PIK3R3: variants seen among roughly 807,000 people sequenced by gnomAD.
PIK3R3 encodes the protein phosphoinositide-3-kinase regulatory subunit 3.
Under a neutral mutation model 62.9 loss-of-function variants are expected in PIK3R3, and 64 were observed. The ratio of observed to expected loss-of-function variants is 1.02; its 90% CI spans 0.83 to 1.25. PIK3R3 has a LOEUF of 1.25. PIK3R3 is among the 50% of genes most tolerant of loss of function. The pLI is 0.00. For synonymous variants in PIK3R3, 165 were observed against 189.0 expected, an observed-to-expected ratio of 0.87 and a Z score of 1.04; for missense variants, 614 against 561.6, an observed-to-expected ratio of 1.09 and a Z score of -0.94.
chr1:46,135,287 T>TG (rs1655888438), upstream of PIK3R3, among the ~76,000 whole-genome samples: 1 of 152,218 alleles, frequency 6.6e-6, no homozygotes, highest in Admixed American at 6.5e-5. Flanking sequence ...CTCAAGCTCC[T>TG]GGGTCACAAC....
intron 3 of PIK3R3, among the ~76,000 whole-genome samples, chr1:46,074,018 G>A (rs1372975187): frequency 1.3e-5 from 2 of 149,892 alleles, no homozygotes; most frequent in Admixed American, 6.6e-5. Context: ...AGCTGGGCGC[G>A]GTGGCTCATG....
chr1:46,132,220 G>A lies in PIK3R3; in HGVS notation c.-268C>T. On this transcript the variant is annotated 5_prime_UTR_variant, in exon 1 of 10. Transcript: ENST00000262741. ...AGAGGCTTGGGGGACGGAGAGCAGAGGTGTTAAAAAGCGGCTTCCCAAAAA... is the reference window on the plus strand; with the variant it reads ...AGAGGCTTGGGGGACGGAGAGCAGAAGTGTTAAAAAGCGGCTTCCCAAAAA... 8.3e-7 allele frequency: 1 copy of A among 1,205,524 alleles called. No homozygotes were observed. The allele number at this position is 1,205,524 out of a possible 1,614,324, so 74.7% of individuals were successfully genotyped here.
the PIK3R3 span, among the ~76,000 whole-genome samples, chr1:46,153,750 A>G: frequency 6.6e-6 from 1 of 152,216 alleles, no homozygotes; most frequent in Non-Finnish European, 1.5e-5. Flanking sequence ...ATCACCATTC[A>G]CAATTATTTG....
the PIK3R3 span, among the ~76,000 whole-genome samples, chr1:46,153,707 TC>T: frequency 1.3e-5 from 2 of 152,164 alleles, no homozygotes; most frequent in Admixed American, 6.5e-5. Flanking sequence ...ATGTCTGTAC[TC>T]CCCCCAACTC....
intron 1 of PIK3R3, among the ~76,000 whole-genome samples, chr1:46,095,136 A>G (rs890711629): frequency 5.9e-5 from 9 of 152,218 alleles, no homozygotes; most frequent in Non-Finnish European, 7.3e-5. Flanking sequence ...CTGGGTATAT[A>G]CCAAAAAGAA....
the PIK3R3 span, among the ~76,000 whole-genome samples, chr1:46,143,476 C>T: frequency 6.6e-6 from 1 of 151,842 alleles, no homozygotes. Context: ...CAGGGTCTCA[C>T]TGTGTCGCCC....
chr1:46,143,690 C>T, the PIK3R3 span, among the ~76,000 whole-genome samples: 1 of 151,984 alleles, frequency 6.6e-6, no homozygotes. Context: ...ACCATGTTGC[C>T]CAGGCCAGTA....
the PIK3R3 span, among the ~76,000 whole-genome samples, chr1:46,173,891 T>C: frequency 3.3e-5 from 5 of 151,666 alleles, no homozygotes; most frequent in South Asian, 8.3e-4. Context: ...TACACACTCA[T>C]ATAGGGGAGG....
At chr1:46,138,381 C>A in the PIK3R3 span, among the ~76,000 whole-genome samples, 1 of 152,166 alleles carries the variant, frequency 6.6e-6, no homozygotes, top group South Asian at 2.1e-4. Flanking sequence ...ATAAAAAGAC[C>A]AGGCATGGTG....
At chr1:46,102,688 T>C (rs1329017655) in intron 1 of PIK3R3, among the ~76,000 whole-genome samples, 1 of 151,490 alleles carries the variant, frequency 6.6e-6, no homozygotes, top group Non-Finnish European at 1.5e-5. Flanking sequence ...TTGAGCACTG[T>C]TGGTGAGATT....
intron 7 of PIK3R3, among the ~76,000 whole-genome samples, chr1:46,054,654 G>A (rs959233448): frequency 1.3e-5 from 2 of 152,100 alleles, no homozygotes; most frequent in Non-Finnish European, 2.9e-5. Context: ...CCAGAACTAA[G>A]CCCAATATCC....
intron 7 of PIK3R3, chr1:46,047,122 G>A (rs927056214): frequency 8.5e-5 from 13 of 153,830 alleles, no homozygotes; most frequent in African/African-American, 2.4e-4. Flanking sequence ...ATTAATATGA[G>A]TGAACTTCAT....
At chr1:46,048,522 A>T (rs2149375939) in intron 7 of PIK3R3, among the ~76,000 whole-genome samples, 1 of 152,240 alleles carries the variant, frequency 6.6e-6, no homozygotes, top group South Asian at 2.1e-4. Context: ...CATTCTTATC[A>T]CCCAAAGTTT....
At position 46,045,644 on chromosome 1, in the gene PIK3R3, T is replaced by TTTTTTTTTTTTTTC. The variant is rs370501368; in HGVS notation, c.1187+273_1187+274insGAAAAAAAAAAAAA. Among the ~76,000 whole-genome samples, 510 of 82,672 alleles carry TTTTTTTTTTTTTTC rather than the reference T, an allele frequency of 6.2e-3. 139 individuals carry two copies. Among genetic ancestry groups the TTTTTTTTTTTTTTC allele is most frequent in the African/African-American group, 0.018 (385 of 21,278 alleles). The allele number at this position is 82,672 out of a possible 152,430, so 54.2% of individuals were successfully genotyped here. ...TTTTTTTTTTTTTTTTTTTTTTTTT[T>TTTTTTTTTTTTTTC]CAATTTAAGATCTCACATTACCTTT... On this transcript the variant is annotated intron_variant, in intron 9 of 9. Transcript: ENST00000262741.
chr1:46,165,336 A>C, the PIK3R3 span, among the ~76,000 whole-genome samples: 10 of 117,130 alleles, frequency 8.5e-5, no homozygotes, highest in South Asian at 5.2e-4. Context: ...ATGGAGTTTC[A>C]CTCTTGTTGC....
the PIK3R3 span, among the ~76,000 whole-genome samples, chr1:46,151,416 CCTGG>C: frequency 6.6e-6 from 1 of 152,144 alleles, no homozygotes; most frequent in Non-Finnish European, 1.5e-5. Flanking sequence ...GGGATCTTTG[CCTGG>C]CAGAGGCCTC....
chr1:46,072,477 T>C (rs1016059710), intron 3 of PIK3R3, among the ~76,000 whole-genome samples: 5 of 152,240 alleles, frequency 3.3e-5, no homozygotes, highest in Admixed American at 3.3e-4. Context: ...GACCTTGTGA[T>C]AGATACATGA....
intron 1 of PIK3R3, among the ~76,000 whole-genome samples, chr1:46,092,648 C>G (rs1003112275): frequency 3.3e-5 from 5 of 152,194 alleles, no homozygotes; most frequent in Admixed American, 2.0e-4. Flanking sequence ...CAGGAGTGAG[C>G]CACCGCGCTT....
chr1:46,162,121 A>G, the PIK3R3 span, among the ~76,000 whole-genome samples: 1 of 150,698 alleles, frequency 6.6e-6, no homozygotes, highest in African/African-American at 2.4e-5. Context: ...TTTTCTTCAT[A>G]GTATTTTTAG....
Sources: allele counts gnomAD v4.1 joint callset (sites outside exome capture counted in the v4.1 genomes callset), GRCh38; gene constraint gnomAD v4.1.1; transcripts MANE v1.5; gene names NCBI Gene and HGNC (gene_info 2026-07-23, HGNC 2026-07-21).